LY6G6C: variants seen among roughly 807,000 people sequenced by gnomAD.
LY6G6C encodes lymphocyte antigen 6 complex locus protein G6c.
A neutral mutation model predicts 12.8 loss-of-function variants in LY6G6C; 12 were observed. That is an observed-to-expected ratio of 0.94 (90% CI 0.60 to 1.52). The LOEUF (loss-of-function observed/expected upper bound fraction) is 1.52. Ranked by LOEUF, LY6G6C falls within the 40% of genes most tolerant of loss-of-function variation. LY6G6C has a pLI of 0.00. For synonymous variants in LY6G6C, 42 were observed against 61.6 expected, an observed-to-expected ratio of 0.68 and a Z score of 1.49; for missense variants, 125 against 155.8, an observed-to-expected ratio of 0.80 and a Z score of 1.05.
At chr6:31,721,281 G>C (rs564946916) in intron 1 of LY6G6C, among the ~76,000 whole-genome samples, 14 of 152,296 alleles carry the variant, frequency 9.2e-5, no homozygotes, top group African/African-American at 3.4e-4. Context: ...AGGTAAGCTA[G>C]ACTCTGGAGA....
rs369253956 is a variant in LY6G6C at position 31,719,548 on chromosome 6, G to T, written c.164-238C>A. Among the ~76,000 whole-genome samples the T allele has an allele frequency of 5.6e-3, 852 of 151,816 alleles. 25 individuals carry two copies. In the South Asian group the frequency reaches 0.083, roughly 15 times the overall value. On this transcript the variant is annotated intron_variant, in intron 2 of 2. Transcript: ENST00000375819. ...TACTGTCTCTGTTTTTTGTTTTTTTGTTTTTTCCAAGACAGAGTCTCACTC... is the reference window on the plus strand; with the variant it reads ...TACTGTCTCTGTTTTTTGTTTTTTTTTTTTTTCCAAGACAGAGTCTCACTC...
chr6:31,718,869 T>A lies in LY6G6C; in HGVS notation c.*227A>T. On this transcript the variant is annotated 3_prime_UTR_variant, in exon 3 of 3. Coordinates refer to ENST00000375819, the MANE Select transcript of LY6G6C (RefSeq NM_025261.3). ...TATAGGAAGCAAAGTGGGGAGCCCTTCTAGGAGCCAATGGAGGTCCTGGAA... is the reference window on the plus strand; with the variant it reads ...TATAGGAAGCAAAGTGGGGAGCCCTACTAGGAGCCAATGGAGGTCCTGGAA... 1.7e-6 allele frequency: 1 copy of A among 583,280 alleles called. No individual in the cohort carries two copies. Among genetic ancestry groups the A allele is most frequent in the Non-Finnish European group, 3.1e-6 (1 of 327,810 alleles). The allele number at this position is 583,280 out of a possible 1,614,324, so 36.1% of individuals were successfully genotyped here.
At position 31,721,691 on chromosome 6, in the gene LY6G6C, T is replaced by G; in HGVS notation, c.-12A>C. 4 of 1,613,916 alleles carry G rather than the reference T, an allele frequency of 2.5e-6. No individual in the cohort carries two copies. The highest frequency in any genetic ancestry group is 1.7e-6 in the Non-Finnish European group (2 of 1,179,862). On this transcript the variant is annotated 5_prime_UTR_variant, in exon 1 of 3. Transcript: ENST00000375819. ...ATAAGGGCTTTCATGGCGAGGGTCC[T>G]GAGAATGGTGGCAACCACAGCAGCT...
In LY6G6C at chr6:31,720,211, G is replaced by A; in HGVS notation, c.53-8C>T. 1 of 1,606,464 alleles carries A rather than the reference G, an allele frequency of 6.2e-7. No individual in the cohort carries two copies. Among genetic ancestry groups the A allele is most frequent in the Non-Finnish European group, 8.5e-7 (1 of 1,174,096 alleles). Reference sequence around the variant, plus strand: ...AGTGACAGCGAATGTCAGCTGGGAAGACACAAGTCAGGCTGAGGTGATGGG... The same window carrying A: ...AGTGACAGCGAATGTCAGCTGGGAAAACACAAGTCAGGCTGAGGTGATGGG... On this transcript the variant is annotated splice_polypyrimidine_tract_variant and splice_region_variant and intron_variant, in intron 1 of 2. Transcript: ENST00000375819. This position sits in a 1 kb window ranked among gnomAD's most constrained non-coding sequence, Gnocchi z 4.9.
Position 31,721,609 on chromosome 6 carries a change from G to T in LY6G6C, c.52+19C>A. On this transcript the variant is annotated intron_variant, in intron 1 of 2. Coordinates refer to ENST00000375819, the MANE Select transcript of LY6G6C (RefSeq NM_025261.3). ...TCCTGACCAGGCAAACCAGGTCTTT[G>T]GGGCCCCCAGGTGCTCACCTGAGAC... The T allele has an allele frequency of 6.2e-7, 1 of 1,613,104 alleles. No homozygotes were observed. Among genetic ancestry groups the T allele is most frequent in the East Asian group, 2.2e-5 (1 of 44,866 alleles).
intron 1 of LY6G6C, 31 bp downstream of exon 1, chr6:31,721,597 A>G: frequency 6.2e-7 from 1 of 1,609,376 alleles, no homozygotes; most frequent in Non-Finnish European, 8.5e-7. Flanking sequence ...TGACCAGGCA[A>G]ACCAGGTCTT....
At position 31,719,185 on chromosome 6, in the gene LY6G6C, A is replaced by G. The variant is rs749736316; in HGVS notation, c.289T>C (p.Cys97Arg). The G allele has an allele frequency of 6.2e-7, 1 of 1,614,100 alleles. No homozygotes were observed. The highest frequency in any genetic ancestry group is 1.1e-5 in the South Asian group (1 of 91,082). ...GTGGGCCGGGGTCCTGCGCTGTTGC[A>G]GTTGTCCTTGTTGCAGCAGGTGGTG... Reference protein sequence around the residue: ...YNTTCCNKDNCNSAGPRPTPA... With the variant: ...YNTTCCNKDNRNSAGPRPTPA... Residue 97 changes from cysteine to arginine, a missense_variant, in exon 3 of 3, where the codon TGC becomes CGC. By Grantham distance (180) the Cys-to-Arg change is radical. Transcript: ENST00000375819.
At position 31,720,446 on chromosome 6, in the gene LY6G6C, C is replaced by T. The variant is rs1370187596; in HGVS notation, c.53-243G>A. 6.6e-6 allele frequency among the ~76,000 whole-genome samples: 1 copy of T among 152,110 alleles called. No homozygotes were observed. Among genetic ancestry groups the T allele is most frequent in the Non-Finnish European group, 1.5e-5 (1 of 68,038 alleles). On this transcript the variant is annotated intron_variant, in intron 1 of 2. Transcript: ENST00000375819. This position sits in a 1 kb window ranked among gnomAD's most constrained non-coding sequence, Gnocchi z 4.9. ...CACGCCCTACATATCTTCCATCACT[C>T]CACCCCGTTTGGAGGTGAGTCAAGA...
In LY6G6C at chr6:31,718,927, G is replaced by A. The variant is rs944963181; in HGVS notation, c.*169C>T. On this transcript the variant is annotated 3_prime_UTR_variant, in exon 3 of 3. Coordinates refer to ENST00000375819, the MANE Select transcript of LY6G6C (RefSeq NM_025261.3). ...GGAAGGGACCCAGAAAAAGGAGAGT[G>A]AAGGGTGTGAGGTGGGAAGGATGGA... 8.1e-6 allele frequency: 5 copies of A among 618,056 alleles called. No individual in the cohort carries two copies. The Admixed American group carries it at 1.5e-4, about 18-fold the overall frequency. 38.3% of individuals were successfully genotyped at this position (618,056 alleles called of 1,614,324 possible). A position where few individuals can be genotyped will look rare whatever the true frequency, so the allele number is the denominator to read the frequency against.
rs548381908 is a variant in LY6G6C at position 31,720,435 on chromosome 6, C to T, written c.53-232G>A. ...TGTGAAAGGCCCACGCCCTACATAT[C>T]TTCCATCACTCCACCCCGTTTGGAG... On this transcript the variant is annotated intron_variant, in intron 1 of 2. Coordinates refer to ENST00000375819, the MANE Select transcript of LY6G6C (RefSeq NM_025261.3). The surrounding 1 kb of genome is among the most constrained non-coding windows in gnomAD (Gnocchi z 4.9). Among the ~76,000 whole-genome samples, 5 of 152,180 alleles carry T rather than the reference C, an allele frequency of 3.3e-5. No homozygotes were observed. The highest frequency in any genetic ancestry group is 7.3e-5 in the Non-Finnish European group (5 of 68,034).
rs1806803548 is a variant in LY6G6C at position 31,721,724 on chromosome 6, T to G, written c.-45A>C. On this transcript the variant is annotated 5_prime_UTR_variant, in exon 1 of 3. Transcript: ENST00000375819. ...GTGGCAACCACAGCAGCTGATAGAG[T>G]AGATTTTCAAGGATCCAGCTCTAGG... The G allele has an allele frequency of 6.2e-7, 1 of 1,603,606 alleles. No homozygotes were observed. Among genetic ancestry groups the G allele is most frequent in the Admixed American group, 1.7e-5 (1 of 59,790 alleles).
At position 31,719,095 on chromosome 6, in the gene LY6G6C, C is replaced by G; in HGVS notation, c.*1G>C. On this transcript the variant is annotated 3_prime_UTR_variant, in exon 3 of 3. Coordinates refer to ENST00000375819, the MANE Select transcript of LY6G6C (RefSeq NM_025261.3). ...AGGAGGGGCAGCCAATGGAATGAGTCTCAGTGCAGCAGCCAGAGGCCAAGG... is the reference window on the plus strand; with the variant it reads ...AGGAGGGGCAGCCAATGGAATGAGTGTCAGTGCAGCAGCCAGAGGCCAAGG... 6.2e-7 allele frequency: 1 copy of G among 1,612,660 alleles called. No individual in the cohort carries two copies. The highest frequency in any genetic ancestry group is 8.5e-7 in the Non-Finnish European group (1 of 1,178,902).
chr6:31,719,998 G>T (rs1806698134), intron 2 of LY6G6C, 95 bp downstream of exon 2: 1 of 771,002 alleles, frequency 1.3e-6, no homozygotes, highest in Non-Finnish European at 2.2e-6. Flanking sequence ...ATAATCCTCT[G>T]CTTCTCCATC....
chr6:31,719,974 A>G (rs1045456572), intron 2 of LY6G6C, 119 bp downstream of exon 2: 2 of 675,512 alleles, frequency 3.0e-6, no homozygotes, highest in African/African-American at 3.6e-5. Flanking sequence ...CTTTGGCCAA[A>G]TATTATCATT....
chr6:31,719,842 A>T (rs746180522), intron 2 of LY6G6C, among the ~76,000 whole-genome samples: 50 of 152,076 alleles, frequency 3.3e-4, no homozygotes, highest in Admixed American at 5.9e-4. Context: ...CGGCTGTGTT[A>T]CTGTCTCTTT....
Position 31,720,174 on chromosome 6 carries a change from C to T in LY6G6C, c.82G>A (p.Val28Ile), listed in dbSNP as rs778187097. The T allele has an allele frequency of 6.2e-7, 1 of 1,612,892 alleles. No individual in the cohort carries two copies. Among genetic ancestry groups the T allele is most frequent in the African/African-American group, 1.3e-5 (1 of 74,936 alleles). ...ADIRCHSCYKVPVLGCVDRQS... is the reference protein window; with the variant it reads ...ADIRCHSCYKIPVLGCVDRQS... ...CGGTCCACACAGCCCAGCACAGGGA[C>T]CTTGTAGCAGGAGTGACAGCGAATG... Residue 28 changes from valine (V) to isoleucine (I), a missense_variant, in exon 2 of 3, where the codon GTC (valine) becomes ATC (isoleucine). Physicochemically the swap from Val to Ile is conservative, Grantham distance 29. Coordinates refer to ENST00000375819, the MANE Select transcript of LY6G6C (RefSeq NM_025261.3). The surrounding 1 kb of genome is among the most constrained non-coding windows in gnomAD (Gnocchi z 4.9).
intron 2 of LY6G6C, among the ~76,000 whole-genome samples, chr6:31,719,681 C>G (rs1475107121): frequency 6.6e-6 from 1 of 152,070 alleles, no homozygotes; most frequent in Non-Finnish European, 1.5e-5. Context: ...GGATTACAGG[C>G]GCCCACTACC....
chr6:31,718,934 G>A lies in LY6G6C; in HGVS notation c.*162C>T, dbSNP rs1806628735. On this transcript the variant is annotated 3_prime_UTR_variant, in exon 3 of 3. Coordinates refer to ENST00000375819, the MANE Select transcript of LY6G6C (RefSeq NM_025261.3). ...ACCCAGAAAAAGGAGAGTGAAGGGTGTGAGGTGGGAAGGATGGATGAGGAG... is the reference window on the plus strand; with the variant it reads ...ACCCAGAAAAAGGAGAGTGAAGGGTATGAGGTGGGAAGGATGGATGAGGAG... The A allele has an allele frequency of 4.7e-6, 3 of 631,740 alleles. No homozygotes were observed. The South Asian group carries it at 6.0e-5, about 13-fold the overall frequency. 39.1% of individuals were successfully genotyped at this position (631,740 alleles called of 1,614,324 possible). A position where few individuals can be genotyped will look rare whatever the true frequency, so the allele number is the denominator to read the frequency against.
Position 31,719,176 on chromosome 6 carries a change from C to T in LY6G6C, c.298G>A (p.Ala100Thr), listed in dbSNP as rs755704275. The T allele has an allele frequency of 2.4e-5, 38 of 1,613,922 alleles. No homozygotes were observed. The South Asian group carries it at 2.4e-4, about 10-fold the overall frequency. ...TCCNKDNCNS[A>T]GPRPTPALGL... ...AGGGCTGGAGTGGGCCGGGGTCCTG[C>T]GCTGTTGCAGTTGTCCTTGTTGCAG... Residue 100 changes from alanine (A) to threonine (T), a missense_variant, in exon 3 of 3, where the codon GCA becomes ACA. Ala to Thr is a moderately conservative substitution (Grantham distance 58, BLOSUM62 0). Transcript: ENST00000375819.
Sources: gnomAD v4.1 joint callset for allele counts (sites outside exome capture counted in the v4.1 genomes callset) on GRCh38, gnomAD v4.1.1 for gene constraint, Gnocchi (gnomAD v3.1) non-coding constraint, MANE v1.5 for transcripts, NCBI Gene and HGNC (gene_info 2026-07-23, HGNC 2026-07-21) for gene names.